MB21D2: variants seen among roughly 807,000 people sequenced by gnomAD.
MB21D2 encodes Mab-21 domain containing 2.
MB21D2 carries 9 observed loss-of-function variants against 33.3 expected under a neutral mutation model. The ratio of observed to expected loss-of-function variants is 0.27; its 90% confidence interval spans 0.16 to 0.47. The LOEUF (loss-of-function observed/expected upper bound fraction) is 0.47, where lower values mean the gene tolerates loss of function less well. Ranked by LOEUF, MB21D2 falls within the 20% of genes least tolerant of loss-of-function variation. MB21D2 has a pLI of 0.99. For missense variants in MB21D2, 540 were observed against 624.6 expected (o/e 0.86, Z 1.44); for synonymous variants, 241 against 236.3 (o/e 1.02, Z -0.18).
At chr3:192,809,534 G>A (rs888576522) in intron 1 of MB21D2, among the ~76,000 whole-genome samples, 1 of 152,188 alleles carries the variant, frequency 6.6e-6, no homozygotes, top group South Asian at 2.1e-4. Context: ...TTTCCTAGGA[G>A]AGAATAAACA....
At chr3:192,847,406 G>A (rs1010683070) in intron 1 of MB21D2, among the ~76,000 whole-genome samples, 6 of 152,058 alleles carry the variant, frequency 3.9e-5, no homozygotes, top group Non-Finnish European at 7.4e-5. Context: ...AGGTTGAAAC[G>A]GGGTCCTTAC....
At chr3:192,829,431 G>A (rs1222277584) in intron 1 of MB21D2, among the ~76,000 whole-genome samples, 1 of 152,190 alleles carries the variant, frequency 6.6e-6, no homozygotes, top group African/African-American at 2.4e-5. Context: ...ATGTGTGTTT[G>A]ACTTTCTTGT....
At chr3:192,851,491 G>GTTTTTTT (rs34763701) in intron 1 of MB21D2, among the ~76,000 whole-genome samples, 6 of 97,594 alleles carry the variant, frequency 6.1e-5, no homozygotes, top group African/African-American at 8.9e-5. Flanking sequence ...TTTTTTGTCT[G>GTTTTTTT]TTTTTTTTTT....
chr3:192,852,818 C>G (rs573577721), intron 1 of MB21D2, among the ~76,000 whole-genome samples: 17 of 152,324 alleles, frequency 1.1e-4, no homozygotes, highest in South Asian at 8.3e-4. Flanking sequence ...CTTCCAGTCA[C>G]TTTAACCAAG....
Position 192,894,159 on chromosome 3 carries a change from C to G in MB21D2, c.211+23471G>C, listed in dbSNP as rs559156366. On this transcript the variant is annotated intron_variant, in intron 1 of 1. Coordinates refer to ENST00000392452, the MANE Select transcript of MB21D2 (RefSeq NM_178496.4). ...TTGTTTTGTTTTTGAGACAGAGTCT[C>G]GCTCTGTCACCCAGGCTGTAGTGCA... Among the ~76,000 whole-genome samples the G allele has an allele frequency of 9.2e-5, 14 of 152,080 alleles. No homozygotes were observed. The South Asian group carries it at 2.9e-3, about 32-fold the overall frequency.
Position 192,815,799 on chromosome 3 carries a change from T to C in MB21D2, c.212-16149A>G, listed in dbSNP as rs1274990517. On this transcript the variant is annotated intron_variant, in intron 1 of 1. Coordinates refer to ENST00000392452, the MANE Select transcript of MB21D2 (RefSeq NM_178496.4). ...TGTATTTGTGCTAGATTTCTGCTAT[T>C]TTTTCAGGGCCCGTATCTTCCTCTA... Among the ~76,000 whole-genome samples the C allele has an allele frequency of 2.0e-5, 3 of 152,212 alleles. No individual in the cohort carries two copies. In the East Asian group the frequency reaches 5.8e-4, roughly 29 times the overall value.
chr3:192,841,615 T>C (rs1712574399), intron 1 of MB21D2, among the ~76,000 whole-genome samples: 1 of 152,248 alleles, frequency 6.6e-6, no homozygotes, highest in African/African-American at 2.4e-5. Flanking sequence ...GCTGCGGCTC[T>C]GGCCGATAGC....
In MB21D2 at chr3:192,884,426, G is replaced by A. The variant is rs1314267831; in HGVS notation, c.211+33204C>T. On this transcript the variant is annotated intron_variant, in intron 1 of 1. Coordinates refer to ENST00000392452, the MANE Select transcript of MB21D2 (RefSeq NM_178496.4). ...CTGTCACCCAGGCTGGAGTGCAGTG[G>A]CGCGATCTAGGCTCACTGCAAGCTC... is the stretch of plus-strand genomic sequence containing the variant. Among the ~76,000 whole-genome samples, 4 of 151,920 alleles carry A rather than the reference G, an allele frequency of 2.6e-5. No individual in the cohort carries two copies. In the South Asian group the frequency reaches 8.3e-4, roughly 32 times the overall value.
chr3:192,840,138 A>G (rs1053722627), intron 1 of MB21D2, among the ~76,000 whole-genome samples: 4 of 152,230 alleles, frequency 2.6e-5, no homozygotes, highest in African/African-American at 4.8e-5. Flanking sequence ...AAAGATCATT[A>G]TAAGTCTAAT....
intron 1 of MB21D2, among the ~76,000 whole-genome samples, chr3:192,800,303 T>G (rs185538662): frequency 1.3e-5 from 2 of 152,202 alleles, no homozygotes; most frequent in African/African-American, 4.8e-5. Context: ...GGTCTAAAAT[T>G]CCTGGCCTCA....
At chr3:192,860,514 A>T (rs1395439220) in intron 1 of MB21D2, among the ~76,000 whole-genome samples, 1 of 152,246 alleles carries the variant, frequency 6.6e-6, no homozygotes, top group African/African-American at 2.4e-5. Flanking sequence ...CAATTTAAGA[A>T]AGCTGGCACA....
chr3:192,902,435 C>G (rs1448099177), intron 1 of MB21D2, among the ~76,000 whole-genome samples: 1 of 152,172 alleles, frequency 6.6e-6, no homozygotes, highest in Non-Finnish European at 1.5e-5. Context: ...AAAGTGCGGA[C>G]AGGTAACAGT....
At position 192,799,357 on chromosome 3, in the gene MB21D2, C is replaced by G. The variant is rs368937752; in HGVS notation, c.505G>C (p.Asp169His). ...TAGTTGGTGGCACCATTGATGTGAT[C>G]TACAATGGTGCAGCAGTCTTTCCAT... ...SKWKDCCTIVDHINGATNYFF... is the reference protein window; with the variant it reads ...SKWKDCCTIVHHINGATNYFF... Residue 169 changes from aspartate to histidine, a missense_variant, in exon 2 of 2, where the codon GAT (aspartate) becomes CAT (histidine). Transcript: ENST00000392452. The surrounding 1 kb of genome is among the most constrained non-coding windows in gnomAD (Gnocchi z 4.1). 1.2e-6 allele frequency: 2 copies of G among 1,614,110 alleles called. No individual in the cohort carries two copies. Among genetic ancestry groups the G allele is most frequent in the Middle Eastern group, 1.6e-4 (1 of 6,084 alleles).
intron 1 of MB21D2, among the ~76,000 whole-genome samples, chr3:192,845,563 C>T (rs1712663735): frequency 6.6e-6 from 1 of 152,250 alleles, no homozygotes; most frequent in African/African-American, 2.4e-5. Flanking sequence ...TGCTCCTTAG[C>T]CCATAATTCT....
intron 1 of MB21D2, among the ~76,000 whole-genome samples, chr3:192,848,522 T>C (rs1170134733): frequency 6.6e-6 from 1 of 152,230 alleles, no homozygotes; most frequent in African/African-American, 2.4e-5. Flanking sequence ...AATCTGACTA[T>C]TGCATGACCC....
chr3:192,812,225 TTCAGTA>T (rs778194354), intron 1 of MB21D2, among the ~76,000 whole-genome samples: 4 of 152,084 alleles, frequency 2.6e-5, no homozygotes, highest in Non-Finnish European at 2.9e-5. Context: ...TTTTTGTATT[TTCAGTA>T]GAGACAGGGT....
chr3:192,915,101 G>A (rs886424557), intron 1 of MB21D2, among the ~76,000 whole-genome samples: 3 of 152,120 alleles, frequency 2.0e-5, no homozygotes, highest in Admixed American at 1.3e-4. Context: ...CTGTGTGAGG[G>A]GATAATATCT....
rs6444658 is a variant in MB21D2, at chr3:192,796,960, C to G, written c.*1426G>C. ...ATGTCTGATTTCAATTGGCCAAAAT[C>G]CAACCCTTGAGTTTGGACATTCAAG... On this transcript the variant is annotated 3_prime_UTR_variant, in exon 2 of 2. Transcript: ENST00000392452. 9.3e-4 allele frequency: 142 copies of G among 152,704 alleles called. No homozygotes were observed. Among genetic ancestry groups the G allele is most frequent in the African/African-American group, 3.3e-3 (137 of 41,548 alleles). 9.5% of individuals were successfully genotyped at this position (152,704 alleles called of 1,614,324 possible).
chr3:192,872,493 G>A (rs1031512850), intron 1 of MB21D2, among the ~76,000 whole-genome samples: 3 of 151,220 alleles, frequency 2.0e-5, no homozygotes, highest in Admixed American at 6.6e-5. Flanking sequence ...GGAGAGTGGC[G>A]TGAACCCGGG....
Sources: gnomAD v4.1 joint callset for allele counts (sites outside exome capture counted in the v4.1 genomes callset) on GRCh38, gnomAD v4.1.1 for gene constraint, Gnocchi (gnomAD v3.1) non-coding constraint, MANE v1.5 for transcripts, NCBI Gene and HGNC (gene_info 2026-07-23, HGNC 2026-07-21) for gene names.